The following SPRED2 variants were observed in gnomAD, a reference collection of about 807,000 sequenced individuals.
SPRED2 encodes sprouty-related, EVH1 domain-containing protein 2.
A neutral mutation model predicts 43.0 loss-of-function variants in SPRED2; 47 were observed. That is an observed-to-expected ratio of 1.09 (90% CI 0.87 to 1.40). SPRED2 has a LOEUF of 1.40. SPRED2 is among the 40% of genes most tolerant of loss of function. The probability of loss-of-function intolerance (pLI) is 0.00; values close to 1 mark genes in which losing one functional copy is unlikely to be tolerated. For missense variants in SPRED2, 561 were observed against 586.4 expected, an observed-to-expected ratio of 0.96 and a Z score of 0.45; for synonymous variants, 225 against 225.7, an observed-to-expected ratio of 1.00 and a Z score of 0.03.
chr2:65,311,658 A>G lies in SPRED2; in HGVS notation c.*1843T>C, dbSNP rs529675626. On this transcript the variant is annotated 3_prime_UTR_variant, in exon 6 of 6. Transcript: ENST00000356388. ...CATGGATGAGGTTCTCTTTTCTTCC[A>G]TCAATCCAGATGGACAGCTCTCTGC... 179 of 985,690 alleles carry G rather than the reference A, an allele frequency of 1.8e-4. No homozygotes were observed. Among genetic ancestry groups the G allele is most frequent in the Admixed American group, 5.5e-4 (9 of 16,292 alleles). The allele number at this position is 985,690 out of a possible 1,614,324, so 61.1% of individuals were successfully genotyped here. A position where few individuals can be genotyped will look rare whatever the true frequency, so the allele number is the denominator to read the frequency against.
intron 1 of SPRED2, among the ~76,000 whole-genome samples, chr2:65,411,058 G>T (rs35165760): frequency 0.12 from 17,939 of 152,200 alleles, 1,578 homozygotes; most frequent in Non-Finnish European, 0.17. Flanking sequence ...AACTCTAAGG[G>T]TTAGTTCTCT....
intron 1 of SPRED2, among the ~76,000 whole-genome samples, chr2:65,367,365 A>C (rs1454338306): frequency 1.3e-5 from 2 of 152,162 alleles, no homozygotes; most frequent in Non-Finnish European, 2.9e-5. Flanking sequence ...AATGTGGCAA[A>C]ATCTTGATAA....
chr2:65,432,059 C>A lies in SPRED2; in HGVS notation c.-72G>T, dbSNP rs1012856666. On this transcript the variant is annotated 5_prime_UTR_variant, in exon 1 of 6. Transcript: ENST00000356388. Reference sequence around the variant, plus strand: ...CCTTCATCTTCCTGTCCGCTCGCCCCCCTTCTTCACATCTCCGGAGATCGC... The same window carrying A: ...CCTTCATCTTCCTGTCCGCTCGCCCACCTTCTTCACATCTCCGGAGATCGC... The A allele has an allele frequency of 4.8e-5, 77 of 1,591,586 alleles. No homozygotes were observed. The highest frequency in any genetic ancestry group is 6.0e-5 in the Non-Finnish European group (70 of 1,163,124).
intron 4 of SPRED2, among the ~76,000 whole-genome samples, chr2:65,324,891 C>G (rs1673561953): frequency 6.6e-6 from 1 of 152,166 alleles, no homozygotes; most frequent in African/African-American, 2.4e-5. Flanking sequence ...TATGCGCATC[C>G]CTTCAAGTCC....
chr2:65,406,155 A>T (rs17534885), intron 1 of SPRED2, among the ~76,000 whole-genome samples: 16,678 of 152,144 alleles, frequency 0.11, 1,363 homozygotes, highest in Non-Finnish European at 0.16. Flanking sequence ...CTACCATGAG[A>T]TTATAAAAGC....
intron 4 of SPRED2, among the ~76,000 whole-genome samples, chr2:65,321,408 A>G (rs1264465405): frequency 6.6e-6 from 1 of 150,470 alleles, no homozygotes; most frequent in Admixed American, 6.7e-5. Flanking sequence ...GCAGCTGCTC[A>G]TGCCTGTAAT....
intron 1 of SPRED2, among the ~76,000 whole-genome samples, chr2:65,384,049 C>T (rs2103657623): frequency 6.6e-6 from 1 of 152,288 alleles, no homozygotes; most frequent in East Asian, 1.9e-4. Flanking sequence ...GCCTCGCTGC[C>T]ACTGGCTGAG....
chr2:65,379,144 C>T (rs183585238), intron 1 of SPRED2, among the ~76,000 whole-genome samples: 1 of 152,216 alleles, frequency 6.6e-6, no homozygotes, highest in Non-Finnish European at 1.5e-5. Flanking sequence ...AGAAGCTGGA[C>T]CTACTTTAAA....
intron 1 of SPRED2, among the ~76,000 whole-genome samples, chr2:65,376,779 A>G (rs1675248092): frequency 6.6e-6 from 1 of 152,044 alleles, no homozygotes; most frequent in Non-Finnish European, 1.5e-5. Flanking sequence ...CAGTGGCGCA[A>G]TCTCGGCTCA....
At chr2:65,391,425 G>A (rs1675633767) in intron 1 of SPRED2, among the ~76,000 whole-genome samples, 1 of 152,172 alleles carries the variant, frequency 6.6e-6, no homozygotes, top group African/African-American at 2.4e-5. Context: ...CTTTTGCTAT[G>A]CACGTTTTAG....
chr2:65,363,919 C>T (rs1202495351), intron 1 of SPRED2, among the ~76,000 whole-genome samples: 3 of 152,132 alleles, frequency 2.0e-5, no homozygotes, highest in East Asian at 1.9e-4. Flanking sequence ...AATTGTTCCA[C>T]TAAAATATCT....
At chr2:65,334,411 A>C in intron 3 of SPRED2, 194 bp downstream of exon 3, 1 of 650,158 alleles carries the variant, frequency 1.5e-6, no homozygotes, top group East Asian at 2.9e-5. Context: ...CCTTACTCTG[A>C]AACCCATCTC....
At chr2:65,410,399 G>A (rs1052693984) in intron 1 of SPRED2, among the ~76,000 whole-genome samples, 2 of 152,084 alleles carry the variant, frequency 1.3e-5, no homozygotes, top group Non-Finnish European at 2.9e-5. Flanking sequence ...TACCTCTCAG[G>A]CAGAATCTCC....
At chr2:65,322,270 C>CTATATATATA (rs68086040) in intron 4 of SPRED2, among the ~76,000 whole-genome samples, 1 of 36,472 alleles carries the variant, frequency 2.7e-5, no homozygotes, top group African/African-American at 1.5e-4. Flanking sequence ...CTCTCTCTCT[C>CTATATATATA]TATATATATA....
rs576668562 is a variant in SPRED2 at position 65,382,919 on chromosome 2, G to C, written c.27-38023C>G. ...CAGTGGAGTCACCTGGATCTCTAAG[G>C]GGGAGGGGTGCTGCCTTGCGGTGGT... On this transcript the variant is annotated intron_variant, in intron 1 of 5. Coordinates refer to ENST00000356388, the MANE Select transcript of SPRED2 (RefSeq NM_181784.3). Among the ~76,000 whole-genome samples the C allele has an allele frequency of 4.7e-4, 72 of 152,290 alleles. 1 individual carries two copies. Among genetic ancestry groups the C allele is most frequent in the Admixed American group, 4.4e-3 (68 of 15,294 alleles).
rs117024824 is a variant in SPRED2 at position 65,345,135 on chromosome 2, G to A, written c.27-239C>T. On this transcript the variant is annotated intron_variant, in intron 1 of 5. Coordinates refer to ENST00000356388, the MANE Select transcript of SPRED2 (RefSeq NM_181784.3). ...AAGTAATTAAAAATTACTTGTGATCGAAAGATGTATACAGGCACAATATTC... is the reference window on the plus strand; with the variant it reads ...AAGTAATTAAAAATTACTTGTGATCAAAAGATGTATACAGGCACAATATTC... Among the ~76,000 whole-genome samples the A allele has an allele frequency of 4.6e-5, 7 of 151,938 alleles. No homozygotes were observed. The East Asian group carries it at 1.2e-3, about 25-fold the overall frequency.
intron 4 of SPRED2, among the ~76,000 whole-genome samples, chr2:65,319,150 T>G (rs1558648175): frequency 6.6e-6 from 1 of 152,228 alleles, no homozygotes; most frequent in Non-Finnish European, 1.5e-5. Context: ...TTTTTACACC[T>G]TGGTCCACAT....
intron 5 of SPRED2, among the ~76,000 whole-genome samples, chr2:65,315,381 C>G (rs985838141): frequency 6.6e-6 from 1 of 152,316 alleles, no homozygotes. Flanking sequence ...CTTGATAACT[C>G]TCGCCATCAC....
At chr2:65,394,822 A>C (rs1222531689) in intron 1 of SPRED2, among the ~76,000 whole-genome samples, 2 of 152,214 alleles carry the variant, frequency 1.3e-5, no homozygotes, top group Non-Finnish European at 2.9e-5. Context: ...TGCTGGCTAA[A>C]AGGCTTTTTC....
Sources: allele counts gnomAD v4.1 joint callset (sites outside exome capture counted in the v4.1 genomes callset), GRCh38; gene constraint gnomAD v4.1.1; transcripts MANE v1.5; gene names NCBI Gene and HGNC (gene_info 2026-07-23, HGNC 2026-07-21).